Variants in FHOD3 observed in about 807,000 individuals in gnomAD.
The protein encoded by FHOD3 is formin homology 2 domain containing 3.
FHOD3 carries 90 observed loss-of-function variants against 173.0 expected under a neutral mutation model. The observed-to-expected ratio is 0.52, with a 90% CI of 0.44 to 0.62. The LOEUF (loss-of-function observed/expected upper bound fraction) is 0.62. Among genes scored for constraint, FHOD3 ranks in the 20% least tolerant of loss-of-function variants. FHOD3 has a pLI of 0.00. For missense variants in FHOD3, 1,945 were observed against 2,034.7 expected, an observed-to-expected ratio of 0.96 and a Z score of 0.85; for synonymous variants, 828 against 823.0, an observed-to-expected ratio of 1.01 and a Z score of -0.10.
chr18:36,439,729 G>A (rs2051027947), intron 3 of FHOD3, among the ~76,000 whole-genome samples: 1 of 152,124 alleles, frequency 6.6e-6, no homozygotes, highest in Non-Finnish European at 1.5e-5. Flanking sequence ...CTCAGTATGA[G>A]GCCATAAGCC....
intron 5 of FHOD3, among the ~76,000 whole-genome samples, chr18:36,523,231 C>T (rs888376160): frequency 4.6e-5 from 7 of 152,118 alleles, no homozygotes; most frequent in African/African-American, 1.7e-4. Context: ...GTCTGCAAGG[C>T]TTAAGTGAGG....
intron 3 of FHOD3, among the ~76,000 whole-genome samples, chr18:36,471,058 C>A (rs138664032): frequency 6.6e-6 from 1 of 152,292 alleles, no homozygotes; most frequent in East Asian, 1.9e-4. Flanking sequence ...GCTCAGGGAT[C>A]GCAGTGTCCC....
intron 3 of FHOD3, among the ~76,000 whole-genome samples, chr18:36,487,321 T>G (rs960018663): frequency 6.6e-6 from 1 of 152,238 alleles, no homozygotes; most frequent in Non-Finnish European, 1.5e-5. Flanking sequence ...GACCATTCTT[T>G]TTATGGTTAG....
chr18:36,298,069 T>TCCCGGGGCTTCGTGGGC, intron 1 of FHOD3, 69 bp downstream of exon 1: 2 of 1,340,070 alleles, frequency 1.5e-6, no homozygotes, highest in Non-Finnish European at 1.9e-6. Context: ...CCGGGGTGGG[T>TCCCGGGGCTTCGTGGGC]CCCGGGGCTT....
chr18:36,584,713 G>GGAA (rs2058968382), intron 6 of FHOD3, among the ~76,000 whole-genome samples: 1 of 152,158 alleles, frequency 6.6e-6, no homozygotes, highest in Admixed American at 6.5e-5. Flanking sequence ...GGCTGAGACA[G>GGAA]GAAGATCCCT....
chr18:36,529,268 G>T (rs1473428839), intron 5 of FHOD3, among the ~76,000 whole-genome samples: 1 of 152,168 alleles, frequency 6.6e-6, no homozygotes, highest in African/African-American at 2.4e-5. Flanking sequence ...CAGACTGATA[G>T]GGTTTGATGG....
intron 5 of FHOD3, among the ~76,000 whole-genome samples, chr18:36,539,851 C>A (rs1285370523): frequency 1.3e-5 from 2 of 152,160 alleles, no homozygotes; most frequent in Admixed American, 1.3e-4. Flanking sequence ...TCAGAACAGG[C>A]AAGTCCTGGA....
chr18:36,494,346 G>A (rs1420371435), intron 3 of FHOD3, among the ~76,000 whole-genome samples: 2 of 152,160 alleles, frequency 1.3e-5, no homozygotes, highest in Non-Finnish European at 2.9e-5. Flanking sequence ...AAGGGACATA[G>A]TTCATTTTAA....
intron 3 of FHOD3, among the ~76,000 whole-genome samples, chr18:36,375,244 A>G (rs1385272037): frequency 5.9e-5 from 9 of 152,248 alleles, no homozygotes. Flanking sequence ...TATGACAAGG[A>G]GAAAATAAAC....
chr18:36,604,303 C>T (rs1014536203), intron 8 of FHOD3, among the ~76,000 whole-genome samples: 1 of 152,194 alleles, frequency 6.6e-6, no homozygotes, highest in African/African-American at 2.4e-5. Flanking sequence ...TCCTGAAATA[C>T]AGCTGGAGAA....
Position 36,414,908 on chromosome 18 carries a change from A to G in FHOD3, c.337+42164A>G, listed in dbSNP as rs2049551252. Among the ~76,000 whole-genome samples the G allele has an allele frequency of 2.0e-5, 3 of 152,132 alleles. No individual in the cohort carries two copies. The South Asian group carries it at 6.2e-4, about 31-fold the overall frequency. ...TGCAGGGCTGTCTGACTTCTAGCTT[A>G]CCCTCTGTGGTGGGTGGGCAGAGCC... On this transcript the variant is annotated intron_variant, in intron 3 of 28. Coordinates refer to ENST00000590592, the MANE Select transcript of FHOD3 (RefSeq NM_001281740.3).
At chr18:36,416,017 C>G (rs1324681538) in intron 3 of FHOD3, among the ~76,000 whole-genome samples, 2 of 152,088 alleles carry the variant, frequency 1.3e-5, no homozygotes, top group East Asian at 3.9e-4. Flanking sequence ...AGCTGAATAT[C>G]ATATACATAG....
intron 7 of FHOD3, among the ~76,000 whole-genome samples, chr18:36,601,559 A>G (rs2031385553): frequency 6.6e-6 from 1 of 152,202 alleles, no homozygotes; most frequent in South Asian, 2.1e-4. Context: ...TCAACAAGAC[A>G]GATACTATCA....
chr18:36,485,443 A>G lies in FHOD3; in HGVS notation c.338-16489A>G, dbSNP rs370002665. On this transcript the variant is annotated intron_variant, in intron 3 of 28. Transcript: ENST00000590592. ...CCAGCAAGCCTGTGAGCATGCGCCC[A>G]CCCATAGGGCCTGTGGTGGTTTCTC... Among the ~76,000 whole-genome samples, 54 of 152,176 alleles carry G rather than the reference A, an allele frequency of 3.5e-4. No individual in the cohort carries two copies. In the East Asian group the frequency reaches 9.7e-3, roughly 27 times the overall value.
At chr18:36,689,998 C>A (rs1003087628) in intron 16 of FHOD3, among the ~76,000 whole-genome samples, 9 of 152,072 alleles carry the variant, frequency 5.9e-5, no homozygotes, top group Admixed American at 4.6e-4. Flanking sequence ...GTAAGTAGGT[C>A]TAGGTTAATC....
chr18:36,334,414 T>C (rs1251942526), intron 1 of FHOD3, among the ~76,000 whole-genome samples: 1 of 152,198 alleles, frequency 6.6e-6, no homozygotes, highest in East Asian at 1.9e-4. Flanking sequence ...GCTATTCAGA[T>C]GACCTGTTTT....
intron 1 of FHOD3, among the ~76,000 whole-genome samples, chr18:36,334,174 T>G (rs1055006460): frequency 6.6e-6 from 1 of 152,250 alleles, no homozygotes; most frequent in Non-Finnish European, 1.5e-5. Flanking sequence ...ACTTTAAAGG[T>G]TAGCAAGCAC....
intron 10 of FHOD3, among the ~76,000 whole-genome samples, chr18:36,631,982 T>C (rs1009977580): frequency 1.1e-4 from 16 of 152,188 alleles, no homozygotes; most frequent in Middle Eastern, 3.2e-3. Flanking sequence ...GATGCTGTCA[T>C]ACATTTTGCT....
chr18:36,656,849 T>C (rs1231737759), intron 13 of FHOD3, among the ~76,000 whole-genome samples: 1 of 152,192 alleles, frequency 6.6e-6, no homozygotes, highest in African/African-American at 2.4e-5. Context: ...CATTTCTACC[T>C]GGTTAAGTAG....
Sources: gnomAD v4.1 joint callset for allele counts (sites outside exome capture counted in the v4.1 genomes callset) on GRCh38, gnomAD v4.1.1 for gene constraint, MANE v1.5 for transcripts, NCBI Gene and HGNC (gene_info 2026-07-23, HGNC 2026-07-21) for gene names.